PLXDC2: variants seen among roughly 807,000 people sequenced by gnomAD.
PLXDC2 encodes plexin domain containing 2, also known as plexin domain-containing protein 2.
Under a neutral mutation model 68.9 loss-of-function variants are expected in PLXDC2, and 40 were observed. That is an observed-to-expected ratio of 0.58 (90% CI 0.45 to 0.76). The LOEUF (loss-of-function observed/expected upper bound fraction) is 0.76. Among genes scored for constraint, PLXDC2 ranks in the 30% least tolerant of loss-of-function variants. The pLI, the probability that PLXDC2 is intolerant of heterozygous loss-of-function variation, is 0.00. For synonymous variants in PLXDC2, 243 were observed against 234.2 expected (o/e 1.04, Z -0.34); for missense variants, 644 against 661.9 (o/e 0.97, Z 0.30).
At chr10:19,969,492 T>A (rs1372397178) in intron 1 of PLXDC2, among the ~76,000 whole-genome samples, 7 of 152,202 alleles carry the variant, frequency 4.6e-5, no homozygotes, top group African/African-American at 1.7e-4. Context: ...AAGACATAAA[T>A]TGCTAACATT....
At chr10:20,206,488 G>A (rs1022627568) in intron 9 of PLXDC2, among the ~76,000 whole-genome samples, 1 of 152,012 alleles carries the variant, frequency 6.6e-6, no homozygotes, top group Non-Finnish European at 1.5e-5. Flanking sequence ...GTAATAGTGT[G>A]TTCAAAGGTA....
At position 20,147,779 on chromosome 10, in the gene PLXDC2, T is replaced by A. The variant is rs1342188899; in HGVS notation, c.665-5T>A. The A allele has an allele frequency of 6.4e-7, 1 of 1,564,476 alleles. No individual in the cohort carries two copies. Among genetic ancestry groups the A allele is most frequent in the Admixed American group, 1.7e-5 (1 of 59,588 alleles). ...GCATTTCTTCTTTTTTCAATGGGTG[T>A]ATAGGCACAGCACTTGTGGTCCAGT... On this transcript the variant is annotated splice_polypyrimidine_tract_variant and splice_region_variant and intron_variant, in intron 5 of 13. Coordinates refer to ENST00000377252, the MANE Select transcript of PLXDC2 (RefSeq NM_032812.9).
intron 1 of PLXDC2, among the ~76,000 whole-genome samples, chr10:19,909,411 C>G (rs1327666365): frequency 6.6e-6 from 1 of 152,056 alleles, no homozygotes; most frequent in Non-Finnish European, 1.5e-5. Context: ...TGCAAGTTAG[C>G]AAGAAGAAAG....
At chr10:19,877,183 A>T (rs1306218998) in intron 1 of PLXDC2, among the ~76,000 whole-genome samples, 4 of 151,744 alleles carry the variant, frequency 2.6e-5, no homozygotes, top group Admixed American at 6.6e-5. Context: ...GTGAAGTGAG[A>T]TAGAATGAGG....
At chr10:19,989,579 G>T (rs1392101047) in intron 1 of PLXDC2, among the ~76,000 whole-genome samples, 4 of 152,128 alleles carry the variant, frequency 2.6e-5, no homozygotes, top group Non-Finnish European at 5.9e-5. Flanking sequence ...GGCTTTCAGA[G>T]AAATATTCTG....
chr10:20,119,491 T>C (rs1027069474), intron 4 of PLXDC2, among the ~76,000 whole-genome samples: 3 of 150,694 alleles, frequency 2.0e-5, no homozygotes, highest in African/African-American at 7.3e-5. Context: ...ACAGGCCATT[T>C]TCACTTCTTT....
At chr10:20,243,464 T>G (rs1048397849) in intron 12 of PLXDC2, among the ~76,000 whole-genome samples, 1 of 152,154 alleles carries the variant, frequency 6.6e-6, no homozygotes, top group Non-Finnish European at 1.5e-5. Flanking sequence ...TTTTCAGCCT[T>G]ACTAGATTTG....
chr10:20,012,843 C>T (rs534266503), intron 2 of PLXDC2, among the ~76,000 whole-genome samples: 10 of 152,088 alleles, frequency 6.6e-5, no homozygotes, highest in Admixed American at 1.3e-4. Context: ...TGTTCATGCC[C>T]GAGCAATGCA....
chr10:20,176,974 T>G (rs752122871), intron 7 of PLXDC2, 25 bp from the exon 8 acceptor site: 2 of 1,519,370 alleles, frequency 1.3e-6, no homozygotes, highest in Non-Finnish European at 9.1e-7. Context: ...GGTTAAAAAT[T>G]GATTTTTTTT....
At position 19,869,789 on chromosome 10, in the gene PLXDC2, AT is replaced by A. The variant is rs914274575; in HGVS notation, c.112+52606del. ...TTTGTTAGTTATTATTATCTTTTTA[AT>A]TTTTTTTAACTCCCCCACCACCCAC... is the stretch of plus-strand genomic sequence containing the variant. On this transcript the variant is annotated intron_variant, in intron 1 of 13. Transcript: ENST00000377252. Among the ~76,000 whole-genome samples the A allele has an allele frequency of 6.1e-4, 92 of 151,488 alleles. 1 individual carries two copies. Among genetic ancestry groups the A allele is most frequent in the Admixed American group, 1.3e-3 (20 of 15,170 alleles).
At chr10:20,209,299 A>G (rs1279893495) in intron 9 of PLXDC2, among the ~76,000 whole-genome samples, 6 of 151,466 alleles carry the variant, frequency 4.0e-5, no homozygotes. Context: ...TCAGGGACGC[A>G]TTCTCTTTCA....
At chr10:19,853,826 T>C (rs1230436031) in intron 1 of PLXDC2, among the ~76,000 whole-genome samples, 1 of 152,160 alleles carries the variant, frequency 6.6e-6, no homozygotes, top group Non-Finnish European at 1.5e-5. Flanking sequence ...TTGGAATATA[T>C]CTTTATGTGG....
intron 2 of PLXDC2, among the ~76,000 whole-genome samples, chr10:20,017,795 C>G (rs376362227): frequency 6.6e-6 from 1 of 152,192 alleles, no homozygotes; most frequent in Non-Finnish European, 1.5e-5. Flanking sequence ...ATTTGATGAG[C>G]AAATTCAAGT....
intron 1 of PLXDC2, among the ~76,000 whole-genome samples, chr10:19,849,865 A>G (rs887395407): frequency 1.1e-4 from 16 of 152,166 alleles, no homozygotes; most frequent in African/African-American, 3.9e-4. Context: ...GGTAGGAGAA[A>G]GTGTAGGAGA....
At chr10:20,085,691 T>C (rs1299279753) in intron 4 of PLXDC2, among the ~76,000 whole-genome samples, 1 of 152,180 alleles carries the variant, frequency 6.6e-6, no homozygotes, top group African/African-American at 2.4e-5. Flanking sequence ...CCACCACTCC[T>C]ACACAGTTAA....
At chr10:19,973,686 A>G (rs538974312) in intron 1 of PLXDC2, among the ~76,000 whole-genome samples, 1 of 152,290 alleles carries the variant, frequency 6.6e-6, no homozygotes, top group African/African-American at 2.4e-5. Context: ...CCCTGTGATG[A>G]TGAATTGCCA....
chr10:19,849,997 T>C (rs1338266556), intron 1 of PLXDC2, among the ~76,000 whole-genome samples: 1 of 152,180 alleles, frequency 6.6e-6, no homozygotes. Context: ...TGTAGTTCTC[T>C]ATGTTACATT....
intron 12 of PLXDC2, among the ~76,000 whole-genome samples, chr10:20,236,271 G>A (rs1194294255): frequency 1.3e-5 from 2 of 151,822 alleles, no homozygotes; most frequent in Admixed American, 6.6e-5. Context: ...GTGAAAGCCC[G>A]TCTCTACTAA....
At chr10:20,112,382 G>A (rs1456170891) in intron 4 of PLXDC2, among the ~76,000 whole-genome samples, 1 of 149,718 alleles carries the variant, frequency 6.7e-6, no homozygotes, top group Non-Finnish European at 1.5e-5. Context: ...TATTCACTCT[G>A]ACATTAGCCT....
Sources: gnomAD v4.1 joint callset for allele counts (sites outside exome capture counted in the v4.1 genomes callset) on GRCh38, gnomAD v4.1.1 for gene constraint, MANE v1.5 for transcripts, NCBI Gene and HGNC (gene_info 2026-07-23, HGNC 2026-07-21) for gene names.